The following TMEM266 variants were observed in gnomAD, a reference collection of about 807,000 sequenced individuals.
The protein encoded by TMEM266 is transmembrane protein 266.
Under a neutral mutation model 50.5 loss-of-function variants are expected in TMEM266, and 33 were observed. That is an observed-to-expected ratio of 0.65 (90% CI 0.50 to 0.87). TMEM266 has a LOEUF of 0.87. TMEM266 is among the 40% of genes least tolerant of loss of function. The probability of loss-of-function intolerance (pLI) is 0.00; values close to 1 mark genes in which losing one functional copy is unlikely to be tolerated. For missense variants in TMEM266, 655 were observed against 695.1 expected, an observed-to-expected ratio of 0.94 and a Z score of 0.65; for synonymous variants, 310 against 292.3, an observed-to-expected ratio of 1.06 and a Z score of -0.62.
At chr15:76,126,871 G>C (rs2037432001) in intron 1 of TMEM266, among the ~76,000 whole-genome samples, 1 of 152,042 alleles carries the variant, frequency 6.6e-6, no homozygotes, top group Non-Finnish European at 1.5e-5. Flanking sequence ...TGAACTCATA[G>C]TAACAAGAGA....
At position 76,177,520 on chromosome 15, in the gene TMEM266, G is replaced by A. The variant is rs866531513; in HGVS notation, c.768+1846G>A. ...ATCATCCCCTCGGAATGTCTGTCAG[G>A]AAACCAATCTTTTTATCTGCTTTGG... On this transcript the variant is annotated intron_variant, in intron 8 of 10. Transcript: ENST00000388942. Among the ~76,000 whole-genome samples, 3 of 152,242 alleles carry A rather than the reference G, an allele frequency of 2.0e-5. No individual in the cohort carries two copies. The South Asian group carries it at 6.2e-4, about 31-fold the overall frequency.
At chr15:76,166,236 G>T (rs565198725) in intron 5 of TMEM266, among the ~76,000 whole-genome samples, 1 of 152,148 alleles carries the variant, frequency 6.6e-6, no homozygotes, top group African/African-American at 2.4e-5. Flanking sequence ...GATGCTGCGG[G>T]GGGGAAAAGC....
intron 1 of TMEM266, among the ~76,000 whole-genome samples, chr15:76,106,316 C>T (rs567596082): frequency 6.6e-5 from 10 of 152,222 alleles, no homozygotes; most frequent in African/African-American, 1.9e-4. Flanking sequence ...CCTTAACTGC[C>T]CCCCAAACCA....
At chr15:76,194,204 C>T (rs2142084511) in intron 9 of TMEM266, among the ~76,000 whole-genome samples, 1 of 152,358 alleles carries the variant, frequency 6.6e-6, no homozygotes, top group East Asian at 1.9e-4. Flanking sequence ...TGCAGAACTT[C>T]ACAATCATCA....
intron 3 of TMEM266, among the ~76,000 whole-genome samples, chr15:76,148,895 A>C (rs1022687303): frequency 7.2e-5 from 11 of 152,196 alleles, no homozygotes; most frequent in African/African-American, 2.7e-4. Flanking sequence ...GCTAATCTTT[A>C]GCTCTGATTG....
At chr15:76,191,935 C>T (rs751387249) in intron 8 of TMEM266, 33 bp from the exon 9 acceptor site, 12 of 1,539,970 alleles carry the variant, frequency 7.8e-6, no homozygotes, top group Admixed American at 4.0e-5. Flanking sequence ...GGCCCCTCGC[C>T]GCTGATTCAG....
rs1295940839 is a variant in TMEM266 at position 76,122,621 on chromosome 15, T to C, written c.-96-11547T>C. Among the ~76,000 whole-genome samples, 3 of 152,182 alleles carry C rather than the reference T, an allele frequency of 2.0e-5. 1 individual carries two copies. The East Asian group carries it at 5.8e-4, about 29-fold the overall frequency. On this transcript the variant is annotated intron_variant, in intron 1 of 10. Coordinates refer to ENST00000388942, the MANE Select transcript of TMEM266 (RefSeq NM_152335.3). Reference sequence around the variant, plus strand: ...GAAAGGTGGCATTTATACTTAAGATTTGCTTGATTGAAGGAGGGTTAGAGA... The same window carrying C: ...GAAAGGTGGCATTTATACTTAAGATCTGCTTGATTGAAGGAGGGTTAGAGA...
intron 3 of TMEM266, among the ~76,000 whole-genome samples, chr15:76,154,961 C>T (rs1390374616): frequency 6.6e-6 from 1 of 152,240 alleles, no homozygotes; most frequent in Non-Finnish European, 1.5e-5. Flanking sequence ...AGCCCCCTTC[C>T]CAACCCCATG....
intron 9 of TMEM266, among the ~76,000 whole-genome samples, chr15:76,197,429 A>G (rs1284837986): frequency 1.3e-5 from 2 of 152,226 alleles, no homozygotes; most frequent in Admixed American, 1.3e-4. Context: ...CAGGGCCCTA[A>G]CTTTGGTTCA....
intron 1 of TMEM266, among the ~76,000 whole-genome samples, chr15:76,060,663 ATTG>A (rs2036283937): frequency 1.3e-5 from 2 of 152,154 alleles, no homozygotes; most frequent in African/African-American, 4.8e-5. Flanking sequence ...AACCTAGAAA[ATTG>A]TCTCCCTTGA....
At chr15:76,186,439 G>A (rs529373235) in intron 8 of TMEM266, among the ~76,000 whole-genome samples, 1 of 152,214 alleles carries the variant, frequency 6.6e-6, no homozygotes, top group Admixed American at 6.5e-5. Flanking sequence ...TTGCCCATGT[G>A]TGCTTCCCCT....
At chr15:76,158,012 A>G (rs1465964020) in intron 4 of TMEM266, among the ~76,000 whole-genome samples, 1 of 151,970 alleles carries the variant, frequency 6.6e-6, no homozygotes, top group Non-Finnish European at 1.5e-5. Context: ...ATAAATAAAT[A>G]AATAAATAAA....
intron 8 of TMEM266, among the ~76,000 whole-genome samples, chr15:76,190,857 G>T (rs1414494643): frequency 2.0e-5 from 3 of 152,118 alleles, no homozygotes; most frequent in East Asian, 3.9e-4. Context: ...TAGGCAGGGC[G>T]CCCGGGCGTG....
intron 1 of TMEM266, among the ~76,000 whole-genome samples, chr15:76,072,136 T>C (rs1596084560): frequency 6.6e-6 from 1 of 151,982 alleles, no homozygotes; most frequent in Middle Eastern, 3.4e-3. Flanking sequence ...CATTCCAAGT[T>C]TTGAAAAGAA....
intron 4 of TMEM266, among the ~76,000 whole-genome samples, chr15:76,157,179 A>G (rs903344775): frequency 6.6e-6 from 1 of 152,184 alleles, no homozygotes; most frequent in Non-Finnish European, 1.5e-5. Flanking sequence ...CAGCGACCAC[A>G]GTGATGATAA....
At chr15:76,196,352 A>G (rs1044243698) in intron 9 of TMEM266, among the ~76,000 whole-genome samples, 2 of 152,136 alleles carry the variant, frequency 1.3e-5, no homozygotes, top group Non-Finnish European at 2.9e-5. Context: ...TCAACAGCAA[A>G]GCCAGTGCCT....
intron 4 of TMEM266, among the ~76,000 whole-genome samples, chr15:76,158,883 T>A (rs1197605077): frequency 1.3e-5 from 2 of 152,098 alleles, no homozygotes; most frequent in Non-Finnish European, 2.9e-5. Flanking sequence ...GCAGCCGTCT[T>A]CCCCTGGCTA....
chr15:76,197,700 C>G (rs1157892042), intron 9 of TMEM266, among the ~76,000 whole-genome samples: 1 of 152,208 alleles, frequency 6.6e-6, no homozygotes, highest in African/African-American at 2.4e-5. Flanking sequence ...GAGCAGGAGC[C>G]CAAACCAGGA....
At chr15:76,106,831 T>TTG (rs1024614806) in intron 1 of TMEM266, among the ~76,000 whole-genome samples, 3 of 152,118 alleles carry the variant, frequency 2.0e-5, no homozygotes, top group East Asian at 1.9e-4. Flanking sequence ...CATACTTATT[T>TTG]TGTGTGTGTG....
Sources: gnomAD v4.1 joint callset for allele counts (sites outside exome capture counted in the v4.1 genomes callset) on GRCh38, gnomAD v4.1.1 for gene constraint, MANE v1.5 for transcripts, NCBI Gene and HGNC (gene_info 2026-07-23, HGNC 2026-07-21) for gene names.